The following NLRP11 variants were observed in gnomAD, a reference collection of about 807,000 sequenced individuals.
NLRP11 encodes NLR family pyrin domain containing 11, also known as NACHT, LRR and PYD domains-containing protein 11.
A neutral mutation model predicts 79.3 loss-of-function variants in NLRP11; 53 were observed. That is an observed-to-expected ratio of 0.67 (90% CI 0.54 to 0.84). NLRP11 has a LOEUF of 0.84. NLRP11 is among the 40% of genes least tolerant of loss of function. The pLI is 0.00. For synonymous variants in NLRP11, 518 were observed against 462.6 expected (o/e 1.12, Z -1.54); for missense variants, 1,264 against 1,255.0 (o/e 1.01, Z -0.11).
chr19:55,803,590 A>T (rs1254627574), intron 4 of NLRP11, among the ~76,000 whole-genome samples: 2 of 152,194 alleles, frequency 1.3e-5, no homozygotes, highest in African/African-American at 4.8e-5. Context: ...CGCATCTATA[A>T]GGAACTTAAA....
intron 1 of NLRP11, among the ~76,000 whole-genome samples, chr19:55,818,946 C>T (rs748250917): frequency 6.6e-6 from 1 of 152,142 alleles, no homozygotes; most frequent in Non-Finnish European, 1.5e-5. Context: ...AAACACAGCC[C>T]AAATAAGCAG....
At chr19:55,821,667 C>T (rs1981752136) in intron 1 of NLRP11, among the ~76,000 whole-genome samples, 1 of 148,592 alleles carries the variant, frequency 6.7e-6, no homozygotes, top group South Asian at 2.2e-4. Context: ...GATGGGAGAA[C>T]CCATTAACAT....
chr19:55,815,091 AG>A (rs1980966714), intron 2 of NLRP11, among the ~76,000 whole-genome samples: 1 of 95,776 alleles, frequency 1.0e-5, no homozygotes, highest in African/African-American at 8.9e-5. Flanking sequence ...TAGAGAACAT[AG>A]ACAGAAAGAT....
intron 6 of NLRP11, 94 bp from the exon 7 acceptor site, chr19:55,792,565 C>T (rs928873501): frequency 1.5e-5 from 13 of 851,408 alleles, no homozygotes; most frequent in Non-Finnish European, 2.5e-5. Flanking sequence ...CGCCTCGATG[C>T]CTTCTACTGC....
At position 55,827,859 on chromosome 19, in the gene NLRP11, G is replaced by A. The variant is rs375279141; in HGVS notation, c.-63+4104C>T. On this transcript the variant is annotated intron_variant, in intron 1 of 9. Coordinates refer to ENST00000589093, the Ensembl canonical transcript of NLRP11. ...CATCCATTGTGGAAGTCAGTGTGGCGATTCCTCAGGGATCTAGAACTAGAA... is the reference window on the plus strand; with the variant it reads ...CATCCATTGTGGAAGTCAGTGTGGCAATTCCTCAGGGATCTAGAACTAGAA... Among the ~76,000 whole-genome samples the A allele has an allele frequency of 7.4e-4, 112 of 151,114 alleles. 1 individual carries two copies. In the East Asian group the frequency reaches 0.013, roughly 18 times the overall value.
intron 4 of NLRP11, 61 bp downstream of exon 4, chr19:55,807,792 A>G: frequency 1.7e-6 from 2 of 1,176,878 alleles, no homozygotes; most frequent in African/African-American, 1.5e-5. Context: ...TCCCAGAGAA[A>G]GAAAAAGACC....
At position 55,809,519 on chromosome 19, in the gene NLRP11, T is replaced by C. The variant is rs267605692; in HGVS notation, c.1091A>G (p.Gln364Arg). 7 of 1,614,028 alleles carry C rather than the reference T, an allele frequency of 4.3e-6. No homozygotes were observed. The highest frequency in any genetic ancestry group is 5.9e-6 in the Non-Finnish European group (7 of 1,180,030). Reference sequence around the variant, plus strand: ...GTGGGCATGTAGATCAGTGGGTGTTTGGCAGCAGAGCTGGAAGTCACGCCC... The same window carrying C: ...GTGGGCATGTAGATCAGTGGGTGTTCGGCAGCAGAGCTGGAAGTCACGCCC... Residue 364 changes from glutamine to arginine, a missense_variant, in exon 3 of 10, where the codon CAA (glutamine) becomes CGA (arginine). Physicochemically the swap from Gln to Arg is conservative, Grantham distance 43. Coordinates refer to ENST00000589093, the Ensembl canonical transcript of NLRP11. This position sits in a 1 kb window ranked among gnomAD's most constrained non-coding sequence, Gnocchi z 4.5.
At chr19:55,833,506 C>A (rs985931962), upstream of NLRP11, among the ~76,000 whole-genome samples, 7 of 151,954 alleles carry the variant, frequency 4.6e-5, no homozygotes, top group African/African-American at 1.7e-4. Context: ...TGGCTCATGC[C>A]TGTAATCCCA....
At chr19:55,830,426 C>G (rs996752123) in intron 1 of NLRP11, among the ~76,000 whole-genome samples, 1 of 152,020 alleles carries the variant, frequency 6.6e-6, no homozygotes, top group Non-Finnish European at 1.5e-5. Flanking sequence ...GTTGTATGAG[C>G]TTTGCTTGTG....
intron 2 of NLRP11, among the ~76,000 whole-genome samples, chr19:55,813,513 G>T (rs971435208): frequency 1.3e-5 from 2 of 152,168 alleles, no homozygotes; most frequent in African/African-American, 4.8e-5. Flanking sequence ...TAAGTACTAA[G>T]ACCTTTTGCA....
intron 2 of NLRP11, among the ~76,000 whole-genome samples, chr19:55,817,226 C>G (rs10419512): frequency 0.22 from 33,928 of 151,954 alleles, 5,803 homozygotes; most frequent in African/African-American, 0.48. Context: ...CACTTTTACA[C>G]TGCTGGTGGG....
intron 4 of NLRP11, among the ~76,000 whole-genome samples, chr19:55,801,993 C>G (rs1979525927): frequency 6.6e-6 from 1 of 152,148 alleles, no homozygotes; most frequent in Non-Finnish European, 1.5e-5. Context: ...GTGGGACCCA[C>G]AAGCCGGATA....
In NLRP11 at chr19:55,796,079, C is replaced by T; in HGVS notation, c.2342+1G>A. Reference sequence around the variant, plus strand: ...TGGTGAGCTCGTCTAAGCCAACTTACACCAGTGATATAAGAGTGCAGTTGG... The same window carrying T: ...TGGTGAGCTCGTCTAAGCCAACTTATACCAGTGATATAAGAGTGCAGTTGG... On this transcript the variant is annotated splice_donor_variant, in intron 6 of 9. Coordinates refer to ENST00000589093, the Ensembl canonical transcript of NLRP11. LOFTEE classifies it high-confidence loss of function. 1 of 1,608,710 alleles carries T rather than the reference C, an allele frequency of 6.2e-7. No individual in the cohort carries two copies. Among genetic ancestry groups the T allele is most frequent in the East Asian group, 2.2e-5 (1 of 44,698 alleles).
chr19:55,823,954 A>G (rs980105188), intron 1 of NLRP11, among the ~76,000 whole-genome samples: 1 of 134,256 alleles, frequency 7.4e-6, no homozygotes, highest in African/African-American at 3.1e-5. Context: ...TCCAAGACAC[A>G]TAATTGTCAG....
exon 9 of NLRP11, chr19:55,788,939 G>C: frequency 6.2e-7 from 1 of 1,613,878 alleles, no homozygotes; most frequent in Middle Eastern, 1.6e-4. Context: ...AGAGGCAAGA[G>C]ATCGACAGCA....
chr19:55,817,940 C>T, exon 2 of NLRP11: 1 of 1,613,274 alleles, frequency 6.2e-7, no homozygotes, highest in Non-Finnish European at 8.5e-7. Context: ...CAAAGATCTT[C>T]CTTACGCATC....
chr19:55,819,590 A>G (rs2122879726), intron 1 of NLRP11, among the ~76,000 whole-genome samples: 1 of 152,322 alleles, frequency 6.6e-6, no homozygotes, highest in Middle Eastern at 3.4e-3. Flanking sequence ...GTGGATGTGG[A>G]TTGGCTAACA....
chr19:55,794,612 T>G (rs996322906), intron 6 of NLRP11, among the ~76,000 whole-genome samples: 1 of 151,978 alleles, frequency 6.6e-6, no homozygotes, highest in Non-Finnish European at 1.5e-5. Flanking sequence ...TACAAAAAAT[T>G]AGCCAGGCGT....
exon 2 of NLRP11, chr19:55,818,070 A>G: frequency 1.2e-6 from 2 of 1,614,178 alleles, no homozygotes; most frequent in South Asian, 2.2e-5. Context: ...GTTTGAAATC[A>G]AGAATCTTGC....
Sources: allele counts gnomAD v4.1 joint callset (sites outside exome capture counted in the v4.1 genomes callset), GRCh38; gene constraint gnomAD v4.1.1; non-coding constraint Gnocchi (gnomAD v3.1); transcripts MANE v1.5; gene names NCBI Gene and HGNC (gene_info 2026-07-23, HGNC 2026-07-21).